HS3ST5: variants seen among roughly 807,000 people sequenced by gnomAD.
HS3ST5 encodes the protein heparan sulfate glucosamine 3-O-sulfotransferase 5.
Under a neutral mutation model 25.4 loss-of-function variants are expected in HS3ST5, and 10 were observed. The observed-to-expected ratio is 0.39, with a 90% CI of 0.24 to 0.67. The LOEUF is 0.67. Among genes scored for constraint, HS3ST5 ranks in the 30% least tolerant of loss-of-function variants. The pLI, the probability that HS3ST5 is intolerant of heterozygous loss-of-function variation, is 0.44. For missense variants in HS3ST5, 324 were observed against 420.7 expected (o/e 0.77, Z 2.01); for synonymous variants, 170 against 162.4 (o/e 1.05, Z -0.36).
intron 3 of HS3ST5, among the ~76,000 whole-genome samples, chr6:114,138,848 G>A (rs1390339134): frequency 1.3e-5 from 2 of 152,134 alleles, no homozygotes; most frequent in African/African-American, 2.4e-5. Flanking sequence ...TGGAGGCTTG[G>A]TAGATTCAGT....
chr6:114,176,068 T>C (rs551724353), intron 2 of HS3ST5, among the ~76,000 whole-genome samples: 12 of 152,322 alleles, frequency 7.9e-5, no homozygotes, highest in African/African-American at 2.6e-4. Context: ...GCAATAATAA[T>C]GATGAATAAA....
chr6:114,321,512 G>A (rs907447775), intron 1 of HS3ST5, among the ~76,000 whole-genome samples: 2 of 152,034 alleles, frequency 1.3e-5, no homozygotes, highest in Non-Finnish European at 2.9e-5. Flanking sequence ...CTGTAAGACT[G>A]TAAGCTGAAG....
intron 1 of HS3ST5, among the ~76,000 whole-genome samples, chr6:114,325,393 A>G (rs1776133907): frequency 6.6e-6 from 1 of 152,232 alleles, no homozygotes; most frequent in African/African-American, 2.4e-5. Context: ...TTTCAAAAAC[A>G]TGTTAGGACA....
chr6:114,215,237 C>A (rs959302946), intron 2 of HS3ST5, among the ~76,000 whole-genome samples: 2 of 151,992 alleles, frequency 1.3e-5, no homozygotes, highest in African/African-American at 4.8e-5. Context: ...ATCCGGGAGG[C>A]GGAGCTTCCA....
chr6:114,056,049 C>A lies in HS3ST5; in HGVS notation c.*1208G>T, dbSNP rs897037975. 1 of 152,168 alleles carries A rather than the reference C, an allele frequency of 6.6e-6. No homozygotes were observed. The highest frequency in any genetic ancestry group is 2.4e-5 in the African/African-American group (1 of 41,414). The allele number at this position is 152,168 out of a possible 1,614,324, so 9.4% of individuals were successfully genotyped here. On this transcript the variant is annotated 3_prime_UTR_variant, in exon 5 of 5. Transcript: ENST00000312719. ...GATCTTGTTTTCATTTTTGAAGCAT[C>A]AGCAGCTTTCAGTACAGAGTTTTCT...
At chr6:114,208,116 A>G (rs11153472) in intron 2 of HS3ST5, among the ~76,000 whole-genome samples, 33,510 of 152,136 alleles carry the variant, frequency 0.22, 3,720 homozygotes, top group East Asian at 0.25. Flanking sequence ...AAATAGTAGC[A>G]ATTAAAAACC....
chr6:114,268,190 C>T (rs1773489497), intron 1 of HS3ST5, among the ~76,000 whole-genome samples: 1 of 152,124 alleles, frequency 6.6e-6, no homozygotes, highest in Non-Finnish European at 1.5e-5. Flanking sequence ...TCATTGCCAC[C>T]ATTTGTGCAG....
At chr6:114,303,267 A>G (rs1175968450) in intron 1 of HS3ST5, among the ~76,000 whole-genome samples, 2 of 152,050 alleles carry the variant, frequency 1.3e-5, no homozygotes, top group South Asian at 4.1e-4. Context: ...AAGGTGATTA[A>G]CGCATGTTTG....
intron 3 of HS3ST5, among the ~76,000 whole-genome samples, chr6:114,105,843 T>C (rs777978730): frequency 9.2e-5 from 14 of 152,168 alleles, no homozygotes; most frequent in Non-Finnish European, 2.1e-4. Context: ...TTTGGGGTAA[T>C]ATTCTTTTTG....
At chr6:114,296,914 G>A (rs1562267618) in intron 1 of HS3ST5, among the ~76,000 whole-genome samples, 1 of 152,204 alleles carries the variant, frequency 6.6e-6, no homozygotes, top group Non-Finnish European at 1.5e-5. Context: ...GTGCCTTCAG[G>A]AGCTTGGAGG....
chr6:114,241,502 C>G (rs1272659765), intron 1 of HS3ST5, among the ~76,000 whole-genome samples: 1 of 152,154 alleles, frequency 6.6e-6, no homozygotes, highest in Non-Finnish European at 1.5e-5. Context: ...AGAAAAACAA[C>G]TTTTCCATTC....
intron 3 of HS3ST5, among the ~76,000 whole-genome samples, chr6:114,122,820 A>C (rs934630830): frequency 1.3e-5 from 2 of 152,248 alleles, no homozygotes; most frequent in Non-Finnish European, 2.9e-5. Flanking sequence ...TGTTTTAAAC[A>C]AGATTGTAAC....
At chr6:114,235,043 A>C (rs979984628) in intron 1 of HS3ST5, among the ~76,000 whole-genome samples, 3 of 152,064 alleles carry the variant, frequency 2.0e-5, no homozygotes, top group Non-Finnish European at 4.4e-5. Context: ...GAATCGCTTG[A>C]ACCTGGGAGA....
intron 2 of HS3ST5, among the ~76,000 whole-genome samples, chr6:114,199,078 G>T (rs1468413917): frequency 6.6e-6 from 1 of 152,152 alleles, no homozygotes; most frequent in African/African-American, 2.4e-5. Context: ...GGGAATAGTG[G>T]TAGGGGTAAA....
At chr6:114,307,322 C>T (rs1323053) in intron 1 of HS3ST5, among the ~76,000 whole-genome samples, 34,967 of 151,452 alleles carry the variant, frequency 0.23, 4,025 homozygotes, top group Admixed American at 0.28. Context: ...CATAGGATGC[C>T]ACCTTTGAAG....
chr6:114,120,431 C>T (rs555899066), intron 3 of HS3ST5, among the ~76,000 whole-genome samples: 1 of 152,164 alleles, frequency 6.6e-6, no homozygotes, highest in East Asian at 1.9e-4. Context: ...ATTCTTTCAA[C>T]CATACTTTGA....
intron 3 of HS3ST5, among the ~76,000 whole-genome samples, chr6:114,131,758 C>T (rs150675434): frequency 4.5e-4 from 68 of 152,258 alleles, no homozygotes; most frequent in African/African-American, 1.5e-3. Flanking sequence ...AATTTTACTT[C>T]TGTGAAATCA....
chr6:114,225,112 C>A (rs566715239), intron 2 of HS3ST5, among the ~76,000 whole-genome samples: 153 of 151,818 alleles, frequency 1.0e-3, no homozygotes, highest in African/African-American at 3.5e-3. Context: ...ACCATGGCAT[C>A]CTATTCATTG....
Position 114,062,848 on chromosome 6 carries a change from C to A in HS3ST5, c.-3G>T. ...CACGCCTGCTGTTTGAATAGCATGG[C>A]CCTCCATCAACCTTCAGGACTGCTG... is the stretch of plus-strand genomic sequence containing the variant. On this transcript the variant is annotated 5_prime_UTR_variant, in exon 4 of 5. Coordinates refer to ENST00000312719, the MANE Select transcript of HS3ST5 (RefSeq NM_153612.4). The A allele has an allele frequency of 6.2e-7, 1 of 1,612,564 alleles. No individual in the cohort carries two copies. Among genetic ancestry groups the A allele is most frequent in the South Asian group, 1.1e-5 (1 of 91,052 alleles).
Sources: allele counts gnomAD v4.1 joint callset (sites outside exome capture counted in the v4.1 genomes callset), GRCh38; gene constraint gnomAD v4.1.1; transcripts MANE v1.5; gene names NCBI Gene and HGNC (gene_info 2026-07-23, HGNC 2026-07-21).